Variants in ZNF611 observed in about 807,000 individuals in gnomAD.
ZNF611 encodes zinc finger protein 611.
A neutral mutation model predicts 8.9 loss-of-function variants in ZNF611; 6 were observed. That is an observed-to-expected ratio of 0.68 (90% confidence interval 0.37 to 1.34). The LOEUF is 1.34. Ranked by LOEUF, ZNF611 falls within the 40% of genes most tolerant of loss-of-function variation. ZNF611 has a pLI of 0.02. For synonymous variants in ZNF611, 262 were observed against 279.7 expected (o/e 0.94, Z 0.63); for missense variants, 874 against 841.3 (o/e 1.04, Z -0.48).
Position 52,706,105 on chromosome 19 carries a change from C to T in ZNF611, c.950G>A (p.Cys317Tyr), listed in dbSNP as rs771520691. 3 of 1,614,068 alleles carry T rather than the reference C, an allele frequency of 1.9e-6. No homozygotes were observed. Among genetic ancestry groups the T allele is most frequent in the South Asian group, 1.1e-5 (1 of 91,076 alleles). Residue 317 changes from cysteine to tyrosine, a missense_variant, in exon 6 of 6, where the codon TGT becomes TAT. Cys to Tyr is a radical substitution (Grantham distance 194). Coordinates refer to ENST00000652185, the MANE Select transcript of ZNF611 (RefSeq NM_001161499.2). ...ACCAAAGATCTTGCCACACTCATTA[C>T]AATTGTAACGTTTTACTCCAGTATG... ...RLHTGVKRYN[C>Y]NECGKIFGQN...
chr19:52,723,076 C>T (rs1360108631), intron 3 of ZNF611, among the ~76,000 whole-genome samples: 1 of 151,152 alleles, frequency 6.6e-6, no homozygotes, highest in Non-Finnish European at 1.5e-5. Flanking sequence ...GCTTCCCTCC[C>T]TAATTCTGTG....
chr19:52,730,165 G>A (rs1045470073), intron 1 of ZNF611, among the ~76,000 whole-genome samples, 160 bp from the exon 2 acceptor site: 10 of 152,074 alleles, frequency 6.6e-5, no homozygotes, highest in Admixed American at 3.9e-4. Context: ...ATTCCGAGGC[G>A]GGCGGATGAC....
chr19:52,715,962 T>C, intron 3 of ZNF611, 49 bp from the exon 4 acceptor site: 3 of 1,599,798 alleles, frequency 1.9e-6, no homozygotes, highest in Non-Finnish European at 2.6e-6. Flanking sequence ...ACTCACTCCC[T>C]TCCTGTGACA....
chr19:52,713,583 C>T (rs1167507934), intron 5 of ZNF611, among the ~76,000 whole-genome samples: 4 of 152,112 alleles, frequency 2.6e-5, no homozygotes, highest in Non-Finnish European at 4.4e-5. Flanking sequence ...AGAGACGCTT[C>T]TGTGATGCTC....
chr19:52,703,248 T>A lies in ZNF611; in HGVS notation c.*1689A>T, dbSNP rs1387873491. ...GAAAGAAAAAGAAGGAAGTCCATTATACGAGAAGAAAAGCATTTTTGAGGT... is the reference window on the plus strand; with the variant it reads ...GAAAGAAAAAGAAGGAAGTCCATTAAACGAGAAGAAAAGCATTTTTGAGGT... On this transcript the variant is annotated 3_prime_UTR_variant, in exon 6 of 6. Coordinates refer to ENST00000652185, the MANE Select transcript of ZNF611 (RefSeq NM_001161499.2). 6.6e-6 allele frequency: 1 copy of A among 152,092 alleles called. No homozygotes were observed. Among genetic ancestry groups the A allele is most frequent in the Non-Finnish European group, 1.5e-5 (1 of 68,004 alleles). 9.4% of individuals were successfully genotyped at this position (152,092 alleles called of 1,614,324 possible).
chr19:52,711,936 T>C (rs376855608), intron 5 of ZNF611, among the ~76,000 whole-genome samples: 1 of 152,086 alleles, frequency 6.6e-6, no homozygotes, highest in African/African-American at 2.4e-5. Context: ...ACTTTGTGCA[T>C]GCACCTCTGT....
In ZNF611 at chr19:52,705,695, A is replaced by G; in HGVS notation, c.1360T>C (p.Tyr454His). Residue 454 changes from tyrosine to histidine, a missense_variant, in exon 6 of 6, where the codon TAC becomes CAC. Physicochemically the swap from Tyr to His is moderately conservative, Grantham distance 83 (BLOSUM62 2). Coordinates refer to ENST00000652185, the MANE Select transcript of ZNF611 (RefSeq NM_001161499.2). ...GCCTTGTCACAAACCTTACATTTGT[A>G]AGATTTCTCTCCACCATGAAGTCTA... Reference protein sequence around the residue: ...HHRLHGGEKSYKCKVCDKAFV... With the variant: ...HHRLHGGEKSHKCKVCDKAFV... 6.2e-7 allele frequency: 1 copy of G among 1,614,024 alleles called. No homozygotes were observed.
intron 1 of ZNF611, among the ~76,000 whole-genome samples, chr19:52,731,535 TG>T (rs1248862279): frequency 6.6e-6 from 1 of 151,924 alleles, no homozygotes; most frequent in Non-Finnish European, 1.5e-5. Flanking sequence ...GGCTAATTTT[TG>T]TATTTTTTTT....
intron 1 of ZNF611, among the ~76,000 whole-genome samples, chr19:52,730,864 G>T (rs922199772): frequency 6.6e-6 from 1 of 152,062 alleles, no homozygotes; most frequent in Non-Finnish European, 1.5e-5. Flanking sequence ...GATTACAAGT[G>T]TGAGCCCCCG....
chr19:52,722,743 T>C (rs1174941977), intron 3 of ZNF611, among the ~76,000 whole-genome samples: 1 of 152,186 alleles, frequency 6.6e-6, no homozygotes, highest in Non-Finnish European at 1.5e-5. Context: ...ACCCTTTTTT[T>C]CTTTTAAAAC....
In ZNF611 at chr19:52,702,948, A is replaced by C. The variant is rs2062214341; in HGVS notation, c.*1989T>G. ...GACTAGAAAGCATGCAGACATTGAT[A>C]TGAACTGGATGCAACTAATTTAAAA... is the stretch of plus-strand genomic sequence containing the variant. On this transcript the variant is annotated 3_prime_UTR_variant, in exon 6 of 6. Transcript: ENST00000652185. 2 of 152,218 alleles carry C rather than the reference A, an allele frequency of 1.3e-5. No individual in the cohort carries two copies. The highest frequency in any genetic ancestry group is 6.5e-5 in the Admixed American group (1 of 15,270). The allele number at this position is 152,218 out of a possible 1,614,324, so 9.4% of individuals were successfully genotyped here.
chr19:52,721,409 A>G (rs552976013), intron 3 of ZNF611: 86 of 168,402 alleles, frequency 5.1e-4, no homozygotes, highest in Non-Finnish European at 9.6e-4. Flanking sequence ...CTGAGTGAGC[A>G]AGACTCCGTC....
intron 3 of ZNF611, chr19:52,724,531 CTCT>C (rs967710579): frequency 1.3e-5 from 2 of 152,278 alleles, no homozygotes; most frequent in African/African-American, 2.4e-5. Context: ...AGTCTGATCT[CTCT>C]TTTTTTTCCC....
intron 3 of ZNF611, among the ~76,000 whole-genome samples, chr19:52,726,730 T>G (rs2062395917): frequency 6.8e-6 from 1 of 146,728 alleles, no homozygotes; most frequent in African/African-American, 2.7e-5. Flanking sequence ...GTGTTTTTTT[T>G]TTTTTTTTTC....
At chr19:52,707,044 C>T (rs1217155802) in intron 5 of ZNF611, among the ~76,000 whole-genome samples, 180 bp from the exon 6 acceptor site, 3 of 152,054 alleles carry the variant, frequency 2.0e-5, no homozygotes, top group Non-Finnish European at 4.4e-5. Flanking sequence ...ACATGTCCTT[C>T]AAGACAATTC....
At chr19:52,717,889 C>CGAG in intron 3 of ZNF611, among the ~76,000 whole-genome samples, 1 of 152,180 alleles carries the variant, frequency 6.6e-6, no homozygotes, top group Middle Eastern at 3.4e-3. Context: ...TTATATATCA[C>CGAG]GTAGTAGAAA....
intron 3 of ZNF611, among the ~76,000 whole-genome samples, chr19:52,721,988 A>T (rs903808937): frequency 6.6e-6 from 1 of 151,920 alleles, no homozygotes; most frequent in Non-Finnish European, 1.5e-5. Flanking sequence ...AGGCAGAGAT[A>T]CTCATTAGCC....
In ZNF611 at chr19:52,706,537, T is replaced by C; in HGVS notation, c.518A>G (p.Lys173Arg). Residue 173 changes from lysine (K) to arginine (R), a missense_variant, in exon 6 of 6, where the codon AAA becomes AGA. Coordinates refer to ENST00000652185, the MANE Select transcript of ZNF611 (RefSeq NM_001161499.2). ...HLPELHIFQIKGEIGNQLEKS... is the reference protein window; with the variant it reads ...HLPELHIFQIRGEIGNQLEKS... The stretch of plus-strand genomic sequence containing the variant: ...CTCAAGTTGATTACCAATTTCACCT[T>C]TGATCTGAAATATGTGGAGTTCAGG... 3.1e-6 allele frequency: 5 copies of C among 1,614,188 alleles called. No individual in the cohort carries two copies. The highest frequency in any genetic ancestry group is 4.2e-6 in the Non-Finnish European group (5 of 1,180,024).
rs1425853865 is a variant in ZNF611, at chr19:52,704,743, C to G, written c.*194G>C. On this transcript the variant is annotated 3_prime_UTR_variant, in exon 6 of 6. Coordinates refer to ENST00000652185, the MANE Select transcript of ZNF611 (RefSeq NM_001161499.2). ...ATGGTGAATAAGTGTTGACTGCTTG[C>G]CAAAGGCTTTGCCACACTCATTACA... 124 of 1,598,802 alleles carry G rather than the reference C, an allele frequency of 7.8e-5. 1 individual carries two copies. Among genetic ancestry groups the G allele is most frequent in the Non-Finnish European group, 8.0e-5 (93 of 1,167,786 alleles).
Sources: allele counts gnomAD v4.1 joint callset (sites outside exome capture counted in the v4.1 genomes callset), GRCh38; gene constraint gnomAD v4.1.1; transcripts MANE v1.5; gene names NCBI Gene and HGNC (gene_info 2026-07-23, HGNC 2026-07-21).